Variants in PCDH15 observed in about 807,000 individuals in gnomAD.
PCDH15 encodes the protein protocadherin related 15.
A neutral mutation model predicts 178.5 loss-of-function variants in PCDH15; 129 were observed. That is an observed-to-expected ratio of 0.72 (90% CI 0.63 to 0.84). The LOEUF (loss-of-function observed/expected upper bound fraction) is 0.84, where lower values mean the gene tolerates loss of function less well. Among genes scored for constraint, PCDH15 ranks in the 40% least tolerant of loss-of-function variants. The pLI is 0.00. For synonymous variants in PCDH15, 800 were observed against 732.0 expected (o/e 1.09, Z -1.50); for missense variants, 2,230 against 2,099.9 (o/e 1.06, Z -1.21).
At chr10:54,132,725 C>T in intron 15 of PCDH15, 150 bp downstream of exon 15, 2 of 1,364,170 alleles carry the variant, frequency 1.5e-6, no homozygotes, top group Non-Finnish European at 2.0e-6. Flanking sequence ...ATTACCCTTG[C>T]TTTCCTTTCC....
intron 2 of PCDH15, among the ~76,000 whole-genome samples, chr10:55,358,987 T>C (rs891410444): frequency 6.6e-6 from 1 of 152,080 alleles, no homozygotes; most frequent in Non-Finnish European, 1.5e-5. Context: ...AGGCCAGGAC[T>C]TCAAGACCAG....
At chr10:55,095,577 T>TA (rs891630982) in intron 2 of PCDH15, among the ~76,000 whole-genome samples, 1 of 152,074 alleles carries the variant, frequency 6.6e-6, no homozygotes, top group Non-Finnish European at 1.5e-5. Flanking sequence ...TTAGATATTG[T>TA]AGAGGTTTTG....
rs2045242183 is a variant in PCDH15, at chr10:54,157,162, T to A, written c.1591-3869A>T. Reference sequence around the variant, plus strand: ...AGTGGCACTCTTCTCACAGCTCCACTGGTCAGTGCCCCAGTAGGGACTCTG... The same window carrying A: ...AGTGGCACTCTTCTCACAGCTCCACAGGTCAGTGCCCCAGTAGGGACTCTG... On this transcript the variant is annotated intron_variant, in intron 13 of 37. Transcript: ENST00000644397. 2.6e-5 allele frequency among the ~76,000 whole-genome samples: 4 copies of A among 152,334 alleles called. No individual in the cohort carries two copies. The South Asian group carries it at 8.3e-4, about 32-fold the overall frequency.
At chr10:55,236,171 T>G (rs761939946) in intron 1 of PCDH15, among the ~76,000 whole-genome samples, 3 of 152,014 alleles carry the variant, frequency 2.0e-5, no homozygotes, top group Non-Finnish European at 4.4e-5. Context: ...TAGCTTGATT[T>G]AAATGAAGTA....
intron 2 of PCDH15, among the ~76,000 whole-genome samples, chr10:55,036,040 A>G (rs1267454752): frequency 1.3e-5 from 2 of 152,166 alleles, no homozygotes; most frequent in African/African-American, 4.8e-5. Context: ...AAGGAACAGT[A>G]TTGAGAGGTA....
chr10:54,470,484 C>A (rs183613290), intron 3 of PCDH15, among the ~76,000 whole-genome samples: 1 of 152,206 alleles, frequency 6.6e-6, no homozygotes, highest in Admixed American at 6.5e-5. Flanking sequence ...GGGGACTGGG[C>A]TCTCAAAATA....
intron 2 of PCDH15, among the ~76,000 whole-genome samples, chr10:54,920,784 T>G (rs564965349): frequency 6.6e-5 from 10 of 152,284 alleles, no homozygotes; most frequent in African/African-American, 1.9e-4. Context: ...ATTATGCAGT[T>G]GTACCAGAAT....
intron 3 of PCDH15, among the ~76,000 whole-genome samples, chr10:54,862,799 T>C (rs1321667206): frequency 2.0e-5 from 3 of 152,210 alleles, no homozygotes; most frequent in Non-Finnish European, 4.4e-5. Flanking sequence ...GCTGAAGCAG[T>C]ATGAGGCCAT....
chr10:54,502,738 T>C (rs2080813111), intron 3 of PCDH15, among the ~76,000 whole-genome samples: 1 of 152,092 alleles, frequency 6.6e-6, no homozygotes, highest in Non-Finnish European at 1.5e-5. Flanking sequence ...TGAGGCTTAA[T>C]GCTTTATTGA....
At chr10:54,883,322 C>T (rs1305520741) in intron 3 of PCDH15, among the ~76,000 whole-genome samples, 1 of 152,014 alleles carries the variant, frequency 6.6e-6, no homozygotes, top group Non-Finnish European at 1.5e-5. Flanking sequence ...TTCAGAACTT[C>T]TATAAGTATA....
intron 1 of PCDH15, among the ~76,000 whole-genome samples, chr10:55,302,151 A>C (rs960376980): frequency 6.6e-6 from 1 of 152,116 alleles, no homozygotes; most frequent in Non-Finnish European, 1.5e-5. Flanking sequence ...ATTTTTTGTA[A>C]GAATTAGGTT....
chr10:55,216,574 T>C (rs1476937865), intron 1 of PCDH15, among the ~76,000 whole-genome samples: 1 of 151,764 alleles, frequency 6.6e-6, no homozygotes, highest in Non-Finnish European at 1.5e-5. Flanking sequence ...TATTACAAAA[T>C]AGCTAGAAGA....
intron 2 of PCDH15, among the ~76,000 whole-genome samples, chr10:54,999,094 C>G (rs967730239): frequency 2.0e-5 from 3 of 151,894 alleles, no homozygotes; most frequent in African/African-American, 7.3e-5. Context: ...ACAGAATGCT[C>G]ATATTTGACT....
chr10:54,263,615 C>T (rs1313584501), intron 8 of PCDH15, among the ~76,000 whole-genome samples: 1 of 152,146 alleles, frequency 6.6e-6, no homozygotes, highest in Non-Finnish European at 1.5e-5. Context: ...ATGAAAGCCA[C>T]TGCAGGAACC....
At chr10:55,467,175 G>A (rs559055385) in intron 2 of PCDH15, among the ~76,000 whole-genome samples, 1 of 152,266 alleles carries the variant, frequency 6.6e-6, no homozygotes, top group South Asian at 2.1e-4. Flanking sequence ...CAATGCCCCA[G>A]TTTGAAACAA....
intron 3 of PCDH15, among the ~76,000 whole-genome samples, chr10:54,873,581 T>C (rs1008200581): frequency 3.4e-5 from 5 of 147,840 alleles, no homozygotes; most frequent in African/African-American, 1.2e-4. Context: ...TGTGTATATA[T>C]ATATATGTTG....
chr10:54,316,495 A>G (rs1186657932), intron 8 of PCDH15, among the ~76,000 whole-genome samples: 1 of 151,872 alleles, frequency 6.6e-6, no homozygotes, highest in Admixed American at 6.6e-5. Flanking sequence ...GTTAAATCCT[A>G]GACCACGGAA....
chr10:53,912,648 A>G (rs976028441), intron 25 of PCDH15, among the ~76,000 whole-genome samples: 1 of 152,186 alleles, frequency 6.6e-6, no homozygotes, highest in Non-Finnish European at 1.5e-5. Context: ...CTATACACCA[A>G]TAACAGACAA....
intron 2 of PCDH15, among the ~76,000 whole-genome samples, chr10:55,447,085 A>G (rs1388148832): frequency 6.6e-6 from 1 of 152,134 alleles, no homozygotes; most frequent in Admixed American, 6.6e-5. Context: ...AGTGTCAAAC[A>G]CAATGAATAA....
Sources: gnomAD v4.1 joint callset for allele counts (sites outside exome capture counted in the v4.1 genomes callset) on GRCh38, gnomAD v4.1.1 for gene constraint, MANE v1.5 for transcripts, NCBI Gene and HGNC (gene_info 2026-07-23, HGNC 2026-07-21) for gene names.